CD44: variants seen among roughly 807,000 people sequenced by gnomAD.
CD44 encodes the protein CD44 molecule (IN blood group).
Under a neutral mutation model 88.8 loss-of-function variants are expected in CD44, and 49 were observed. That is an observed-to-expected ratio of 0.55 (90% CI 0.44 to 0.70). The LOEUF (loss-of-function observed/expected upper bound fraction) is 0.70. CD44 is among the 30% of genes least tolerant of loss of function. CD44 has a pLI of 0.00. For synonymous variants in CD44, 325 were observed against 312.3 expected (o/e 1.04, Z -0.43); for missense variants, 883 against 913.8 (o/e 0.97, Z 0.43).
intron 11 of CD44, among the ~76,000 whole-genome samples, chr11:35,207,672 G>T (rs1022176721): frequency 2.0e-5 from 3 of 152,194 alleles, no homozygotes; most frequent in Admixed American, 6.5e-5. Flanking sequence ...AAAGACTAAA[G>T]GGGGGAAGAG....
chr11:35,165,827 C>G lies in CD44; in HGVS notation c.68-10748C>G, dbSNP rs116749440. ...AGTGCATCCCACTCCCAGATGGGGG[C>G]CCCCGGCTTATCTCAGCATGTCAGC... is the stretch of plus-strand genomic sequence containing the variant. On this transcript the variant is annotated intron_variant, in intron 1 of 17. Coordinates refer to ENST00000428726, the MANE Select transcript of CD44 (RefSeq NM_000610.4). Among the ~76,000 whole-genome samples the G allele has an allele frequency of 3.3e-3, 508 of 152,194 alleles. 4 individuals are homozygous for G. The highest frequency in any genetic ancestry group is 0.012 in the African/African-American group (482 of 41,512).
intron 17 of CD44, among the ~76,000 whole-genome samples, chr11:35,226,069 C>T (rs4141970): frequency 0.044 from 6,670 of 152,206 alleles, 159 homozygotes; most frequent in East Asian, 0.1. Flanking sequence ...ACTTATTAGA[C>T]GCCTAGAGCA....
At chr11:35,222,586 C>T (rs1266715022) in intron 17 of CD44, 3 of 757,088 alleles carry the variant, frequency 4.0e-6, no homozygotes, top group South Asian at 6.2e-5. Flanking sequence ...ATGTTATTTA[C>T]ATTTTATATA....
intron 5 of CD44, among the ~76,000 whole-genome samples, chr11:35,193,262 A>C (rs1287706814): frequency 1.3e-5 from 2 of 152,230 alleles, no homozygotes; most frequent in Non-Finnish European, 2.9e-5. Flanking sequence ...ACAACAACAA[A>C]AAAAGCTTAT....
rs1443931329 is a variant in CD44, at chr11:35,201,123, C to G, written c.964C>G (p.Gln322Glu). ...PRAFDHTKQN[Q>E]DWTQWNPSHS... is the part of the protein sequence containing the mutation. ...GGCTTTTGACCACACAAAACAGAACCAGGACTGGACCCAGTGGAACCCAAG... is the reference window on the plus strand; with the variant it reads ...GGCTTTTGACCACACAAAACAGAACGAGGACTGGACCCAGTGGAACCCAAG... Residue 322 changes from glutamine (Q) to glutamate (E), a missense_variant, in exon 8 of 18, where the codon CAG (glutamine) becomes GAG (glutamate). Gln to Glu is a conservative substitution (Grantham distance 29, BLOSUM62 2). Transcript: ENST00000428726. 1 of 1,614,112 alleles carries G rather than the reference C, an allele frequency of 6.2e-7. No homozygotes were observed. The highest frequency in any genetic ancestry group is 1.7e-5 in the Admixed American group (1 of 60,032).
intron 1 of CD44, among the ~76,000 whole-genome samples, chr11:35,173,226 G>C (rs1944101324): frequency 6.6e-6 from 1 of 152,174 alleles, no homozygotes; most frequent in South Asian, 2.1e-4. Context: ...GCCTCACCTG[G>C]AATCAGAGGC....
At chr11:35,215,311 A>T (rs971995254) in intron 15 of CD44, among the ~76,000 whole-genome samples, 2 of 152,236 alleles carry the variant, frequency 1.3e-5, no homozygotes, top group African/African-American at 4.8e-5. Flanking sequence ...AAATGGCCTG[A>T]GTTCGATTCC....
intron 1 of CD44, among the ~76,000 whole-genome samples, chr11:35,172,380 C>A (rs887222180): frequency 3.3e-5 from 5 of 152,202 alleles, no homozygotes; most frequent in African/African-American, 1.2e-4. Flanking sequence ...ATGGTTTTGG[C>A]AACCACTGAG....
At position 35,189,930 on chromosome 11, in the gene CD44, G is replaced by T; in HGVS notation, c.532G>T (p.Val178Leu). Residue 178 changes from valine to leucine, a missense_variant, in exon 5 of 18, where the codon GTG (valine) becomes TTG (leucine). Val to Leu is a conservative substitution (Grantham distance 32). This residue lies in a region of CD44 where 252 missense variants were observed against 322.9 expected (regional missense o/e 0.78). Transcript: ENST00000428726. ...CCCCAGCAACCCTACTGATGATGAC[G>T]TGAGCAGCGGCTCCTCCAGTGAAAG... Reference protein sequence around the residue: ...IYPSNPTDDDVSSGSSSERSS... With the variant: ...IYPSNPTDDDLSSGSSSERSS... 4 of 1,614,144 alleles carry T rather than the reference G, an allele frequency of 2.5e-6. No homozygotes were observed. In the South Asian group the frequency reaches 4.4e-5, roughly 18 times the overall value.
chr11:35,215,792 G>C (rs572651103), intron 15 of CD44, among the ~76,000 whole-genome samples: 341 of 151,610 alleles, frequency 2.2e-3, no homozygotes, highest in African/African-American at 7.9e-3. Flanking sequence ...GAATTGCTCG[G>C]ACCTGGCAGG....
At chr11:35,196,342 G>A (rs1946741897) in intron 5 of CD44, among the ~76,000 whole-genome samples, 1 of 152,130 alleles carries the variant, frequency 6.6e-6, no homozygotes, top group African/African-American at 2.4e-5. Context: ...TCCTAATTTG[G>A]CCTCATGGAT....
At chr11:35,182,254 G>T (rs1282012923) in intron 3 of CD44, among the ~76,000 whole-genome samples, 2 of 151,704 alleles carry the variant, frequency 1.3e-5, no homozygotes, top group African/African-American at 4.9e-5. Context: ...AGTGGCTTTA[G>T]TCTACACCAC....
rs781581414 is a variant in CD44, at chr11:35,191,089, C to G, written c.667+1024C>G. On this transcript the variant is annotated intron_variant, in intron 5 of 17. Transcript: ENST00000428726. ...GGCATCTGCCTCTGGAGCGGTTTTC[C>G]TAGTATGGTGTGGATGTTCTCTTTT... Among the ~76,000 whole-genome samples, 21 of 152,146 alleles carry G rather than the reference C, an allele frequency of 1.4e-4. 1 individual carries two copies. Among genetic ancestry groups the G allele is most frequent in the Admixed American group, 3.3e-4 (5 of 15,272 alleles).
intron 3 of CD44, among the ~76,000 whole-genome samples, chr11:35,181,937 T>TATATAA (rs1565081096): frequency 1.5e-5 from 1 of 66,942 alleles, no homozygotes; most frequent in Non-Finnish European, 2.8e-5. Flanking sequence ...TATATATAAA[T>TATATAA]TATATATAAT....
chr11:35,215,643 G>T (rs1948770965), intron 15 of CD44, among the ~76,000 whole-genome samples: 1 of 152,080 alleles, frequency 6.6e-6, no homozygotes, highest in Non-Finnish European at 1.5e-5. Context: ...CAGCACTTTA[G>T]GAGGCCGAGG....
chr11:35,147,168 C>T (rs750339513), intron 1 of CD44, among the ~76,000 whole-genome samples: 1 of 152,286 alleles, frequency 6.6e-6, no homozygotes, highest in Non-Finnish European at 1.5e-5. Context: ...TAGTGTTTCT[C>T]CATCAGCTAG....
At position 35,155,090 on chromosome 11, in the gene CD44, C is replaced by T. The variant is rs566364382; in HGVS notation, c.67+15720C>T. Among the ~76,000 whole-genome samples the T allele has an allele frequency of 6.2e-4, 94 of 152,156 alleles. No homozygotes were observed. The Middle Eastern group carries it at 0.01, about 17-fold the overall frequency. ...AACATCTCTTCTAAAATTGGAGGAGCGGCTTTTTGGGAAGTCCTTAATTGA... is the reference window on the plus strand; with the variant it reads ...AACATCTCTTCTAAAATTGGAGGAGTGGCTTTTTGGGAAGTCCTTAATTGA... On this transcript the variant is annotated intron_variant, in intron 1 of 17. Coordinates refer to ENST00000428726, the MANE Select transcript of CD44 (RefSeq NM_000610.4).
intron 6 of CD44, chr11:35,197,210 T>C (rs1946840739): frequency 5.6e-6 from 1 of 178,230 alleles, no homozygotes; most frequent in African/African-American, 2.4e-5. Context: ...ATAAAAAGTC[T>C]TGGACTTTCA....
chr11:35,210,230 G>A lies in CD44; in HGVS notation c.1606+176G>A, dbSNP rs559651343. Reference sequence around the variant, plus strand: ...ATTTTTCTGTTTTATATACCTCTTCGTACATTAAGTGCAAACTACATTTCT... The same window carrying A: ...ATTTTTCTGTTTTATATACCTCTTCATACATTAAGTGCAAACTACATTTCT... On this transcript the variant is annotated intron_variant, in intron 13 of 17. Transcript: ENST00000428726. 6.3e-5 allele frequency: 28 copies of A among 445,686 alleles called. 1 individual carries two copies. The highest frequency in any genetic ancestry group is 3.0e-4 in the East Asian group (8 of 26,614). The allele number at this position is 445,686 out of a possible 1,614,324, so 27.6% of individuals were successfully genotyped here. A position where few individuals can be genotyped will look rare whatever the true frequency, so the allele number is the denominator to read the frequency against.
Sources: gnomAD v4.1 joint callset for allele counts (sites outside exome capture counted in the v4.1 genomes callset) on GRCh38, gnomAD v4.1.1 for gene constraint, gnomAD v4.1.1 regional missense constraint, MANE v1.5 for transcripts, NCBI Gene and HGNC (gene_info 2026-07-23, HGNC 2026-07-21) for gene names.